The following EXOC2 variants were observed in gnomAD, a reference collection of about 807,000 sequenced individuals.
EXOC2 encodes the protein exocyst complex component 2.
Under a neutral mutation model 131.8 loss-of-function variants are expected in EXOC2, and 70 were observed. That is an observed-to-expected ratio of 0.53 (90% CI 0.44 to 0.65). The LOEUF is 0.65. Ranked by LOEUF, EXOC2 falls within the 30% of genes least tolerant of loss-of-function variation. The pLI is 0.00. For missense variants in EXOC2, 923 were observed against 1,108.6 expected, an observed-to-expected ratio of 0.83 and a Z score of 2.38; for synonymous variants, 411 against 398.4, an observed-to-expected ratio of 1.03 and a Z score of -0.38.
At chr6:499,580 T>A in intron 24 of EXOC2, 65 bp downstream of exon 24, 1 of 1,389,822 alleles carries the variant, frequency 7.2e-7, no homozygotes, top group Non-Finnish European at 1.0e-6. Flanking sequence ...TAATCAAATT[T>A]ACATCTTTCT....
chr6:553,614 C>A (rs1196463126), intron 21 of EXOC2, among the ~76,000 whole-genome samples: 1 of 152,128 alleles, frequency 6.6e-6, no homozygotes, highest in Non-Finnish European at 1.5e-5. Flanking sequence ...CACTCGGAAA[C>A]CACACAGATG....
In EXOC2 at chr6:633,017, G is replaced by A; in HGVS notation, c.219C>T (p.Asp73=). Residue 73 remains aspartate (D), a synonymous_variant, in exon 3 of 28, where the codon GAC becomes GAT. Coordinates refer to ENST00000230449, the MANE Select transcript of EXOC2 (RefSeq NM_018303.6). The part of the protein sequence containing the change: ...RVGQAKNDKG[D]IIVTTKSGGR... ...CACCTGACTTAGTGGTGACAATAAT[G>A]TCTCCTTTGTCATTTTTGGCTTGTC... 1 of 1,614,108 alleles carries A rather than the reference G, an allele frequency of 6.2e-7. No individual in the cohort carries two copies. The highest frequency in any genetic ancestry group is 1.1e-5 in the South Asian group (1 of 91,078).
At chr6:635,926 C>T (rs1762079201) in intron 2 of EXOC2, among the ~76,000 whole-genome samples, 1 of 152,106 alleles carries the variant, frequency 6.6e-6, no homozygotes, top group African/African-American at 2.4e-5. Context: ...CTGGGTATGG[C>T]GGCACATGCG....
intron 1 of EXOC2, among the ~76,000 whole-genome samples, chr6:675,434 C>G (rs1764066497): frequency 6.6e-6 from 1 of 152,232 alleles, no homozygotes; most frequent in African/African-American, 2.4e-5. Flanking sequence ...CGCAGACATG[C>G]AGGAGTACAT....
chr6:555,806 C>A, intron 19 of EXOC2, 148 bp downstream of exon 19: 3 of 724,900 alleles, frequency 4.1e-6, no homozygotes, highest in East Asian at 2.9e-5. Flanking sequence ...ACTTTGTTAC[C>A]CACTTACCTT....
chr6:536,525 C>T (rs1766455047), intron 22 of EXOC2, among the ~76,000 whole-genome samples: 2 of 151,992 alleles, frequency 1.3e-5, no homozygotes, highest in Admixed American at 1.3e-4. Flanking sequence ...CCCTAAAAGG[C>T]CTTTTCTTGG....
At chr6:520,957 C>T (rs1322997843) in intron 23 of EXOC2, among the ~76,000 whole-genome samples, 3 of 146,034 alleles carry the variant, frequency 2.1e-5, no homozygotes, top group South Asian at 2.1e-4. Context: ...CGTCCACACT[C>T]GGAGATGAAA....
At chr6:498,356 G>C (rs1763856539) in intron 24 of EXOC2, among the ~76,000 whole-genome samples, 1 of 152,180 alleles carries the variant, frequency 6.6e-6, no homozygotes, top group African/African-American at 2.4e-5. Flanking sequence ...AGATCTCACA[G>C]TTCTGCCCAC....
intron 1 of EXOC2, among the ~76,000 whole-genome samples, chr6:654,973 C>T (rs762668993): frequency 4.3e-4 from 66 of 151,982 alleles, no homozygotes; most frequent in Non-Finnish European, 6.5e-4. Context: ...CCTGAAGATG[C>T]TGTGAAAACT....
intron 1 of EXOC2, among the ~76,000 whole-genome samples, chr6:679,743 T>C (rs372480560): frequency 1.3e-5 from 2 of 152,170 alleles, no homozygotes; most frequent in African/African-American, 2.4e-5. Context: ...AAGGAAACTA[T>C]GCAGCCAGTG....
chr6:485,468 T>C lies in EXOC2; in HGVS notation c.*1203A>G, dbSNP rs957516144. On this transcript the variant is annotated 3_prime_UTR_variant, in exon 28 of 28. Transcript: ENST00000230449. ...TAATGAGGACATTAATTTTAGCATT[T>C]AAAAAAAGAGATTTAAAAATAACCA... 6.6e-6 allele frequency: 1 copy of C among 152,092 alleles called. No homozygotes were observed. Among genetic ancestry groups the C allele is most frequent in the Non-Finnish European group, 1.5e-5 (1 of 68,028 alleles). 9.4% of individuals were successfully genotyped at this position (152,092 alleles called of 1,614,324 possible).
At chr6:528,014 CT>C (rs1765847214) in intron 23 of EXOC2, among the ~76,000 whole-genome samples, 1 of 152,102 alleles carries the variant, frequency 6.6e-6, no homozygotes, top group Non-Finnish European at 1.5e-5. Flanking sequence ...ATACTAAGAA[CT>C]CTTAATAATT....
At chr6:502,020 G>A (rs895923221) in intron 23 of EXOC2, among the ~76,000 whole-genome samples, 9 of 152,114 alleles carry the variant, frequency 5.9e-5, no homozygotes, top group Non-Finnish European at 5.9e-5. Context: ...CGCTGCTGTG[G>A]GGGCACTGGG....
intron 23 of EXOC2, among the ~76,000 whole-genome samples, chr6:513,350 T>C (rs1764963791): frequency 6.6e-6 from 1 of 152,246 alleles, no homozygotes; most frequent in African/African-American, 2.4e-5. Flanking sequence ...CCGAACCTGT[T>C]TTCCTTAGCA....
At chr6:634,645 G>A (rs1377845345) in intron 2 of EXOC2, among the ~76,000 whole-genome samples, 1 of 151,618 alleles carries the variant, frequency 6.6e-6, no homozygotes, top group Non-Finnish European at 1.5e-5. Context: ...GAATTTTAGG[G>A]GTTTCTCTAA....
chr6:510,289 C>T (rs965320990), intron 23 of EXOC2, among the ~76,000 whole-genome samples: 51 of 152,070 alleles, frequency 3.4e-4, no homozygotes, highest in Non-Finnish European at 3.2e-4. Context: ...TGGATTTTTT[C>T]AATGACTATT....
chr6:634,634 T>G (rs1288754287), intron 2 of EXOC2, among the ~76,000 whole-genome samples: 1 of 152,264 alleles, frequency 6.6e-6, no homozygotes, highest in Admixed American at 6.5e-5. Context: ...CTTGAAATAA[T>G]GAATTTTAGG....
At chr6:555,513 G>A (rs1757372237) in intron 19 of EXOC2, among the ~76,000 whole-genome samples, 1 of 152,102 alleles carries the variant, frequency 6.6e-6, no homozygotes, top group Non-Finnish European at 1.5e-5. Context: ...AATTAGAAGT[G>A]CCTATGTTTT....
chr6:599,779 T>C (rs997850885), intron 7 of EXOC2, among the ~76,000 whole-genome samples: 8 of 152,122 alleles, frequency 5.3e-5, no homozygotes, highest in Non-Finnish European at 5.9e-5. Flanking sequence ...AAATGACAAA[T>C]GTGAAGGCAG....
Sources: allele counts gnomAD v4.1 joint callset (sites outside exome capture counted in the v4.1 genomes callset), GRCh38; gene constraint gnomAD v4.1.1; transcripts MANE v1.5; gene names NCBI Gene and HGNC (gene_info 2026-07-23, HGNC 2026-07-21).